The following BCL2L13 variants were observed in gnomAD, a reference collection of about 807,000 sequenced individuals.
BCL2L13 encodes bcl-2-like protein 13.
A neutral mutation model predicts 25.8 loss-of-function variants in BCL2L13; 13 were observed. The observed-to-expected ratio is 0.50, with a 90% confidence interval of 0.33 to 0.80. The LOEUF is 0.80. BCL2L13 is among the 30% of genes least tolerant of loss of function. BCL2L13 has a pLI of 0.02. For synonymous variants in BCL2L13, 244 were observed against 230.3 expected (o/e 1.06, Z -0.54); for missense variants, 504 against 574.9 (o/e 0.88, Z 1.26).
intron 2 of BCL2L13, among the ~76,000 whole-genome samples, chr22:17,675,343 A>G (rs898772379): frequency 1.3e-5 from 2 of 152,314 alleles, no homozygotes; most frequent in African/African-American, 4.8e-5. Context: ...GAGGTCTACA[A>G]TTCAAACCTT....
chr22:17,652,426 G>T (rs554634281), intron 1 of BCL2L13, among the ~76,000 whole-genome samples: 3 of 152,190 alleles, frequency 2.0e-5, no homozygotes, highest in Admixed American at 6.6e-5. Context: ...TATGTAAAGT[G>T]TTGACTATCT....
intron 3 of BCL2L13, 140 bp downstream of exon 3, chr22:17,683,461 G>A (rs1001773341): frequency 1.8e-6 from 1 of 563,578 alleles, no homozygotes; most frequent in African/African-American, 2.0e-5. Context: ...AAGTTTATAA[G>A]GGTAAAACTA....
At chr22:17,647,528 G>A (rs1415667395) in intron 1 of BCL2L13, among the ~76,000 whole-genome samples, 4 of 151,890 alleles carry the variant, frequency 2.6e-5, no homozygotes, top group African/African-American at 7.3e-5. Flanking sequence ...TTTTGCTACC[G>A]TATCCTTCCG....
At chr22:17,707,031 GATA>G (rs1421562786) in intron 6 of BCL2L13, among the ~76,000 whole-genome samples, 1 of 152,070 alleles carries the variant, frequency 6.6e-6, no homozygotes, top group Non-Finnish European at 1.5e-5. Context: ...TTTAATCTAG[GATA>G]TTTAAAGACT....
chr22:17,638,509 A>G (rs1044380499), upstream of BCL2L13: 37 of 433,986 alleles, frequency 8.5e-5, no homozygotes, highest in Admixed American at 2.2e-4. Flanking sequence ...CCTTCCTCCA[A>G]CACAGCGACC....
chr22:17,656,624 G>T (rs2058876194), intron 2 of BCL2L13, among the ~76,000 whole-genome samples: 1 of 151,640 alleles, frequency 6.6e-6, no homozygotes, highest in Admixed American at 6.6e-5. Flanking sequence ...TGGGATTATG[G>T]GTGTGAGCCA....
chr22:17,649,152 T>G (rs910525130), intron 1 of BCL2L13, among the ~76,000 whole-genome samples: 1 of 151,128 alleles, frequency 6.6e-6, no homozygotes, highest in Non-Finnish European at 1.5e-5. Context: ...CAGGCTGGAG[T>G]GCAGGTATGA....
rs59741596 is a variant in BCL2L13 at position 17,728,255 on chromosome 22, T to C, written c.*721T>C. On this transcript the variant is annotated 3_prime_UTR_variant, in exon 7 of 7. Transcript: ENST00000317582. ...GGGCGAGGGCTTGCTCTGGACTCAGTCTGTCAAGTCCCCGAAGCTTCCTGC... is the reference window on the plus strand; with the variant it reads ...GGGCGAGGGCTTGCTCTGGACTCAGCCTGTCAAGTCCCCGAAGCTTCCTGC... 46,963 of 151,814 alleles carry C rather than the reference T, an allele frequency of 0.31. 8,555 individuals carry two copies. The highest frequency in any genetic ancestry group is 0.51 in the African/African-American group (21,157 of 41,318). 9.4% of individuals were successfully genotyped at this position (151,814 alleles called of 1,614,324 possible). A position where few individuals can be genotyped will look rare whatever the true frequency, so the allele number is the denominator to read the frequency against.
At chr22:17,719,378 A>T (rs773568018) in intron 6 of BCL2L13, among the ~76,000 whole-genome samples, 1 of 152,050 alleles carries the variant, frequency 6.6e-6, no homozygotes, top group Non-Finnish European at 1.5e-5. Context: ...TTGGAGAATA[A>T]TTTGACGTAA....
intron 4 of BCL2L13, among the ~76,000 whole-genome samples, chr22:17,695,556 G>A (rs933990315): frequency 2.0e-5 from 3 of 151,982 alleles, no homozygotes; most frequent in African/African-American, 4.8e-5. Flanking sequence ...TCCTGACTTC[G>A]TGATCCACCT....
chr22:17,645,649 G>T (rs577455248), intron 1 of BCL2L13, among the ~76,000 whole-genome samples: 38 of 151,618 alleles, frequency 2.5e-4, no homozygotes, highest in Non-Finnish European at 4.6e-4. Context: ...TAGAAATCTG[G>T]TTTAGAAAAG....
intron 1 of BCL2L13, among the ~76,000 whole-genome samples, chr22:17,629,815 T>A: frequency 8.7e-6 from 1 of 115,352 alleles, no homozygotes; most frequent in African/African-American, 4.4e-5. Flanking sequence ...CACTTTATTT[T>A]CATACACACA....
chr22:17,685,760 CTTTTTTTTTTTTTTTT>C (rs1166792513), intron 3 of BCL2L13, among the ~76,000 whole-genome samples: 3 of 60,520 alleles, frequency 5.0e-5, no homozygotes, highest in Admixed American at 2.6e-4. Flanking sequence ...TTTTCTTTTT[CTTTTTTTTTTTTTTTT>C]TTTTTTTTTT....
intron 1 of BCL2L13, among the ~76,000 whole-genome samples, chr22:17,645,281 G>A (rs1490722679): frequency 7.1e-6 from 1 of 141,598 alleles, no homozygotes; most frequent in African/African-American, 2.7e-5. Flanking sequence ...ACAGGCTGGA[G>A]TGCAATCTAG....
intron 1 of BCL2L13, among the ~76,000 whole-genome samples, chr22:17,645,871 T>C (rs1461631971): frequency 1.3e-5 from 2 of 151,462 alleles, no homozygotes; most frequent in African/African-American, 4.9e-5. Flanking sequence ...CCAGTCTTGA[T>C]TGGAGAATAT....
Position 17,730,029 on chromosome 22 carries a change from A to G in BCL2L13, c.*2495A>G, listed in dbSNP as rs58356326. 6.6e-6 allele frequency: 1 copy of G among 152,262 alleles called. No homozygotes were observed. Among genetic ancestry groups the G allele is most frequent in the African/African-American group, 2.4e-5 (1 of 41,536 alleles). The allele number at this position is 152,262 out of a possible 1,614,324, so 9.4% of individuals were successfully genotyped here. A position where few individuals can be genotyped will look rare whatever the true frequency, so the allele number is the denominator to read the frequency against. On this transcript the variant is annotated 3_prime_UTR_variant, in exon 7 of 7. Coordinates refer to ENST00000317582, the MANE Select transcript of BCL2L13 (RefSeq NM_015367.4). ...TAGGAGGCCATTCCTTCCACCTCCA[A>G]CTTATACCCTCTAAGTCTAAGGTGA...
intron 1 of BCL2L13, among the ~76,000 whole-genome samples, chr22:17,651,571 G>A (rs1013049442): frequency 2.8e-4 from 40 of 144,264 alleles, no homozygotes; most frequent in African/African-American, 9.3e-4. Flanking sequence ...TAGTAGAGAC[G>A]GGTTTTCACC....
rs2060636236 is a variant in BCL2L13 at position 17,707,878 on chromosome 22, C to T, written c.600+5492C>T. On this transcript the variant is annotated intron_variant, in intron 6 of 6. Transcript: ENST00000317582. ...AGAATAATTTGTAACTGATGTGACCCCCTGCCCCCACCAAAAAAAAAGTGA... is the reference window on the plus strand; with the variant it reads ...AGAATAATTTGTAACTGATGTGACCTCCTGCCCCCACCAAAAAAAAAGTGA... 2.0e-5 allele frequency among the ~76,000 whole-genome samples: 3 copies of T among 151,756 alleles called. No homozygotes were observed. In the South Asian group the frequency reaches 6.2e-4, roughly 32 times the overall value.
intron 1 of BCL2L13, among the ~76,000 whole-genome samples, chr22:17,650,204 C>T (rs1191237664): frequency 1.3e-5 from 2 of 152,114 alleles, no homozygotes; most frequent in African/African-American, 2.4e-5. Context: ...TGACATGTTA[C>T]TACGTTTGAC....
Sources: gnomAD v4.1 joint callset for allele counts (sites outside exome capture counted in the v4.1 genomes callset) on GRCh38, gnomAD v4.1.1 for gene constraint, MANE v1.5 for transcripts, NCBI Gene and HGNC (gene_info 2026-07-23, HGNC 2026-07-21) for gene names.